Variants in NAA15 observed in about 807,000 individuals in gnomAD.
NAA15 encodes the protein N-terminal acetyltransferase.
In NAA15, 34 loss-of-function variants were observed where a neutral mutation model predicts 114.0. The observed-to-expected ratio is 0.30, with a 90% confidence interval of 0.23 to 0.40. The LOEUF (loss-of-function observed/expected upper bound fraction) is 0.40. NAA15 is among the 10% of genes least tolerant of loss of function. The pLI is 1.00. For missense variants in NAA15, 658 were observed against 1,004.5 expected (o/e 0.66, Z 4.66); for synonymous variants, 340 against 338.0 (o/e 1.01, Z -0.06).
intron 1 of NAA15, chr4:139,302,674 A>G (rs1480428466): frequency 6.6e-6 from 1 of 152,248 alleles, no homozygotes; most frequent in Non-Finnish European, 1.5e-5. Context: ...AACTTACCAG[A>G]GAAATGAGAA....
chr4:139,358,566 T>TACCCTAG (rs1748038012), intron 11 of NAA15, among the ~76,000 whole-genome samples: 1 of 152,112 alleles, frequency 6.6e-6, no homozygotes, highest in African/African-American at 2.4e-5. Context: ...TTAAAAAAAT[T>TACCCTAG]ATACTTTAAG....
At chr4:139,328,596 TCTCA>T (rs1358490177) in intron 1 of NAA15, among the ~76,000 whole-genome samples, 1 of 143,684 alleles carries the variant, frequency 7.0e-6, no homozygotes, top group African/African-American at 2.6e-5. Context: ...TGAGATGGAG[TCTCA>T]CTCTGTCGCC....
At chr4:139,374,533 A>G (rs1748532062) in intron 15 of NAA15, among the ~76,000 whole-genome samples, 1 of 152,160 alleles carries the variant, frequency 6.6e-6, no homozygotes, top group Non-Finnish European at 1.5e-5. Context: ...TACACGTAAT[A>G]CAAAGTATTT....
At chr4:139,321,218 T>C (rs1207476238) in intron 1 of NAA15, among the ~76,000 whole-genome samples, 1 of 152,110 alleles carries the variant, frequency 6.6e-6, no homozygotes, top group Non-Finnish European at 1.5e-5. Flanking sequence ...AATTTGCTCT[T>C]GTTTTTTCTA....
At chr4:139,375,896 T>C (rs1748568523) in intron 15 of NAA15, among the ~76,000 whole-genome samples, 1 of 150,462 alleles carries the variant, frequency 6.6e-6, no homozygotes, top group Non-Finnish European at 1.5e-5. Context: ...TACGAATTCC[T>C]GTAGAATTTA....
intron 1 of NAA15, among the ~76,000 whole-genome samples, chr4:139,312,551 CTT>C (rs1560951615): frequency 6.6e-6 from 1 of 151,860 alleles, no homozygotes; most frequent in Non-Finnish European, 1.5e-5. Flanking sequence ...CTAAAGCAAT[CTT>C]TTCTTTCCTT....
intron 13 of NAA15, among the ~76,000 whole-genome samples, 155 bp from the exon 14 acceptor site, chr4:139,361,569 A>G (rs972882283): frequency 3.3e-5 from 5 of 152,236 alleles, no homozygotes; most frequent in African/African-American, 1.2e-4. Context: ...CTTATTTGAA[A>G]TGCAAAATAT....
chr4:139,352,556 A>G (rs779002030), intron 9 of NAA15, among the ~76,000 whole-genome samples: 2 of 152,140 alleles, frequency 1.3e-5, no homozygotes, highest in Non-Finnish European at 2.9e-5. Flanking sequence ...CCAGAATTAC[A>G]TAATGTGCAT....
At chr4:139,314,989 A>C (rs1411856491) in intron 1 of NAA15, among the ~76,000 whole-genome samples, 3 of 65,604 alleles carry the variant, frequency 4.6e-5, no homozygotes, top group Non-Finnish European at 9.3e-5. Flanking sequence ...AGAAGCGTTC[A>C]GTTCAGTTCA....
intron 6 of NAA15, among the ~76,000 whole-genome samples, chr4:139,348,795 A>G (rs1747684792): frequency 6.6e-6 from 1 of 152,170 alleles, no homozygotes; most frequent in Non-Finnish European, 1.5e-5. Context: ...AGGTTTTAAG[A>G]TTGATTTTTG....
At chr4:139,370,113 T>C (rs1748393984) in intron 14 of NAA15, 98 bp from the exon 15 acceptor site, 3 of 1,042,184 alleles carry the variant, frequency 2.9e-6, no homozygotes, top group Non-Finnish European at 3.9e-6. Context: ...CCTCATGCAA[T>C]ATTTTTTAAT....
intron 1 of NAA15, among the ~76,000 whole-genome samples, chr4:139,307,811 CTT>C (rs796120144): frequency 2.6e-5 from 4 of 152,168 alleles, no homozygotes; most frequent in African/African-American, 9.6e-5. Flanking sequence ...TGGAATAAAA[CTT>C]TTTTTCTTTT....
chr4:139,329,168 C>T (rs897826304), intron 1 of NAA15, among the ~76,000 whole-genome samples: 1 of 152,082 alleles, frequency 6.6e-6, no homozygotes, highest in Admixed American at 6.6e-5. Flanking sequence ...AGGCATGAGC[C>T]ACTGTGCCCA....
intron 14 of NAA15, among the ~76,000 whole-genome samples, chr4:139,363,743 A>G (rs1309765543): frequency 1.3e-5 from 2 of 152,168 alleles, no homozygotes; most frequent in Non-Finnish European, 2.9e-5. Flanking sequence ...AAGGTTCATC[A>G]GTTTTTATTA....
chr4:139,320,774 G>A (rs1035252268), intron 1 of NAA15, among the ~76,000 whole-genome samples: 2 of 152,148 alleles, frequency 1.3e-5, no homozygotes, highest in African/African-American at 4.8e-5. Flanking sequence ...GCCCACCTCG[G>A]CCACCCAAAG....
At chr4:139,358,247 C>T (rs1349863914) in intron 11 of NAA15, among the ~76,000 whole-genome samples, 2 of 150,264 alleles carry the variant, frequency 1.3e-5, no homozygotes, top group Non-Finnish European at 3.0e-5. Flanking sequence ...GGCTGGGGTG[C>T]AGTGGCGCGA....
chr4:139,338,967 T>C (rs563086638), intron 3 of NAA15, among the ~76,000 whole-genome samples: 2 of 151,974 alleles, frequency 1.3e-5, no homozygotes. Context: ...CATGCCACCA[T>C]ACCTGGGTGT....
chr4:139,343,145 T>G (rs1261380378), intron 5 of NAA15, among the ~76,000 whole-genome samples, 185 bp downstream of exon 5: 1 of 152,244 alleles, frequency 6.6e-6, no homozygotes, highest in African/African-American at 2.4e-5. Flanking sequence ...TTGGTGCATT[T>G]ACTTTAAAAT....
In NAA15 at chr4:139,389,475, A is replaced by G. The variant is rs1748992971; in HGVS notation, c.*1391A>G. ...TAAGTGCTGGTGTCAGGGAAATTCC[A>G]TAATGAAGTAGAATGCTGCTCCTGC... On this transcript the variant is annotated 3_prime_UTR_variant, in exon 20 of 20. Coordinates refer to ENST00000296543, the MANE Select transcript of NAA15 (RefSeq NM_057175.5). 2 of 152,770 alleles carry G rather than the reference A, an allele frequency of 1.3e-5. No homozygotes were observed. Among genetic ancestry groups the G allele is most frequent in the African/African-American group, 2.4e-5 (1 of 41,578 alleles). 9.5% of individuals were successfully genotyped at this position (152,770 alleles called of 1,614,324 possible).
Sources: allele counts gnomAD v4.1 joint callset (sites outside exome capture counted in the v4.1 genomes callset), GRCh38; gene constraint gnomAD v4.1.1; transcripts MANE v1.5; gene names NCBI Gene and HGNC (gene_info 2026-07-23, HGNC 2026-07-21).